Variants in FAM117B observed in about 807,000 individuals in gnomAD.
FAM117B encodes the protein family with sequence similarity 117 member B.
In FAM117B, 22 loss-of-function variants were observed where a neutral mutation model predicts 52.8. The ratio of observed to expected loss-of-function variants is 0.42; its 90% CI spans 0.30 to 0.59. The LOEUF is 0.59. FAM117B is among the 20% of genes least tolerant of loss of function. The pLI is 0.22. For missense variants in FAM117B, 678 were observed against 802.6 expected, an observed-to-expected ratio of 0.84 and a Z score of 1.88; for synonymous variants, 309 against 324.1, an observed-to-expected ratio of 0.95 and a Z score of 0.50.
At chr2:202,727,172 A>G (rs1691257508) in intron 4 of FAM117B, among the ~76,000 whole-genome samples, 1 of 152,140 alleles carries the variant, frequency 6.6e-6, no homozygotes, top group South Asian at 2.1e-4. Flanking sequence ...TTTGGGAATG[A>G]GGAAGGCTGG....
chr2:202,704,942 A>G (rs534070080), intron 2 of FAM117B, among the ~76,000 whole-genome samples: 1 of 151,898 alleles, frequency 6.6e-6, no homozygotes, highest in East Asian at 1.9e-4. Context: ...AGGCCTTTCC[A>G]CCTCCTAGGG....
intron 4 of FAM117B, among the ~76,000 whole-genome samples, chr2:202,736,918 A>T (rs1038686513): frequency 6.6e-6 from 1 of 152,220 alleles, no homozygotes. Context: ...TCATAAAAAA[A>T]AAAATTAATG....
intron 4 of FAM117B, among the ~76,000 whole-genome samples, chr2:202,737,767 A>C (rs186832118): frequency 6.6e-6 from 1 of 151,852 alleles, no homozygotes; most frequent in East Asian, 1.9e-4. Context: ...ACGCCCAGCT[A>C]ATTTTTGTAT....
chr2:202,693,630 C>T (rs1478455376), intron 1 of FAM117B, among the ~76,000 whole-genome samples: 1 of 152,138 alleles, frequency 6.6e-6, no homozygotes, highest in Non-Finnish European at 1.5e-5. Flanking sequence ...TTATGCACAT[C>T]TAATTACTTT....
chr2:202,742,997 T>G (rs956488165), intron 4 of FAM117B, among the ~76,000 whole-genome samples: 1 of 152,126 alleles, frequency 6.6e-6, no homozygotes, highest in Non-Finnish European at 1.5e-5. Flanking sequence ...GCTACTGCAC[T>G]GCCAACACCA....
chr2:202,684,598 G>T (rs760831458), intron 1 of FAM117B, among the ~76,000 whole-genome samples: 27 of 152,280 alleles, frequency 1.8e-4, no homozygotes, highest in Middle Eastern at 3.4e-3. Context: ...GTACTGAAGT[G>T]CTGTTTAATG....
At chr2:202,724,775 G>A in intron 2 of FAM117B, 142 bp from the exon 3 acceptor site, 3 of 470,528 alleles carry the variant, frequency 6.4e-6, no homozygotes, top group Non-Finnish European at 7.2e-6. Context: ...CTGGTGCCAG[G>A]AGAATTTTGA....
chr2:202,740,455 G>A (rs1691515589), intron 4 of FAM117B, among the ~76,000 whole-genome samples: 1 of 150,208 alleles, frequency 6.7e-6, no homozygotes, highest in East Asian at 1.9e-4. Context: ...TATAGTTATT[G>A]AATTCTAGAA....
chr2:202,754,382 G>T (rs1014209731), intron 4 of FAM117B, among the ~76,000 whole-genome samples: 1 of 152,134 alleles, frequency 6.6e-6, no homozygotes, highest in Non-Finnish European at 1.5e-5. Flanking sequence ...GAGGTGGGAG[G>T]TGAAGAGAGG....
chr2:202,665,406 C>T (rs989844287), intron 1 of FAM117B, among the ~76,000 whole-genome samples: 1 of 152,036 alleles, frequency 6.6e-6, no homozygotes. Flanking sequence ...TGCAGCCAGC[C>T]AAAGAAAACT....
chr2:202,731,394 A>T lies in FAM117B; in HGVS notation c.960+5031A>T, dbSNP rs1001637428. Among the ~76,000 whole-genome samples, 7 of 122,946 alleles carry T rather than the reference A, an allele frequency of 5.7e-5. No homozygotes were observed. The East Asian group carries it at 1.7e-3, about 31-fold the overall frequency. The allele number at this position is 122,946 out of a possible 152,430, so 80.7% of individuals were successfully genotyped here. ...GGAGAGAGAGAGAAGCTCCTTCTCAATTAAAAAATATATAAACTTTTATTT... is the reference window on the plus strand; with the variant it reads ...GGAGAGAGAGAGAAGCTCCTTCTCATTTAAAAAATATATAAACTTTTATTT... On this transcript the variant is annotated intron_variant, in intron 4 of 7. Transcript: ENST00000392238.
Position 202,768,188 on chromosome 2 carries a change from A to G in FAM117B, c.*2424A>G, listed in dbSNP as rs763263251. On this transcript the variant is annotated 3_prime_UTR_variant, in exon 8 of 8. Transcript: ENST00000392238. Reference sequence around the variant, plus strand: ...TCCATCTCTATCCCTGCTAGTCACAATGGCATTTTAGAACTAGAATGCCAC... The same window carrying G: ...TCCATCTCTATCCCTGCTAGTCACAGTGGCATTTTAGAACTAGAATGCCAC... 6.6e-6 allele frequency: 1 copy of G among 152,204 alleles called. No homozygotes were observed. The highest frequency in any genetic ancestry group is 1.5e-5 in the Non-Finnish European group (1 of 68,038). The allele number at this position is 152,204 out of a possible 1,614,324, so 9.4% of individuals were successfully genotyped here.
At chr2:202,647,919 AT>A (rs1689894456) in intron 1 of FAM117B, among the ~76,000 whole-genome samples, 1 of 152,092 alleles carries the variant, frequency 6.6e-6, no homozygotes, top group African/African-American at 2.4e-5. Context: ...ATTTACTGAC[AT>A]TTTTCTTCTT....
intron 2 of FAM117B, among the ~76,000 whole-genome samples, chr2:202,715,865 C>T (rs777010218): frequency 2.6e-5 from 4 of 152,218 alleles, no homozygotes; most frequent in Non-Finnish European, 4.4e-5. Context: ...GGATCACTTG[C>T]GGTTAGGAGA....
rs142892352 is a variant in FAM117B, at chr2:202,663,836, G to A, written c.601+28048G>A. ...TGACCTCTGGTGATCTGCCCACCTCGGCCTCCCAAAGTGTTGGGATTACAG... is the reference window on the plus strand; with the variant it reads ...TGACCTCTGGTGATCTGCCCACCTCAGCCTCCCAAAGTGTTGGGATTACAG... On this transcript the variant is annotated intron_variant, in intron 1 of 7. Coordinates refer to ENST00000392238, the MANE Select transcript of FAM117B (RefSeq NM_173511.4). Among the ~76,000 whole-genome samples, 1,017 of 152,144 alleles carry A rather than the reference G, an allele frequency of 6.7e-3. 5 individuals carry two copies. The highest frequency in any genetic ancestry group is 0.01 in the Non-Finnish European group (700 of 67,976).
intron 2 of FAM117B, 51 bp from the exon 3 acceptor site, chr2:202,724,866 T>C (rs1321671968): frequency 2.3e-6 from 3 of 1,317,628 alleles, no homozygotes; most frequent in Non-Finnish European, 3.2e-6. Context: ...TGGTAGACAT[T>C]GTTGTGAAAT....
intron 1 of FAM117B, among the ~76,000 whole-genome samples, chr2:202,654,502 A>T (rs1386375370): frequency 2.6e-5 from 4 of 151,920 alleles, no homozygotes; most frequent in Non-Finnish European, 2.9e-5. Context: ...CCCATTGGAA[A>T]TTTTTTTTAA....
intron 2 of FAM117B, among the ~76,000 whole-genome samples, chr2:202,720,043 CTAATAGTAA>C: frequency 1.3e-5 from 2 of 152,126 alleles, no homozygotes; most frequent in Non-Finnish European, 2.9e-5. Flanking sequence ...CCCTTTGTAA[CTAATAGTAA>C]TTTGTGGAGA....
In FAM117B at chr2:202,740,174, CAAA is replaced by C. The variant is rs67479326; in HGVS notation, c.960+13837_960+13839del. On this transcript the variant is annotated intron_variant, in intron 4 of 7. Coordinates refer to ENST00000392238, the MANE Select transcript of FAM117B (RefSeq NM_173511.4). ...GAGGACAGAGCGAGACTTCATCCCC[CAAA>C]AAAAAAAAAAAAAAAAAAAAAAAAA... is the stretch of plus-strand genomic sequence containing the variant. Among the ~76,000 whole-genome samples the C allele has an allele frequency of 4.6e-4, 46 of 100,610 alleles. No homozygotes were observed. The East Asian group carries it at 0.012, about 26-fold the overall frequency. The allele number at this position is 100,610 out of a possible 152,430, so 66.0% of individuals were successfully genotyped here. A position where few individuals can be genotyped will look rare whatever the true frequency, so the allele number is the denominator to read the frequency against.
Sources: allele counts gnomAD v4.1 joint callset (sites outside exome capture counted in the v4.1 genomes callset), GRCh38; gene constraint gnomAD v4.1.1; transcripts MANE v1.5; gene names NCBI Gene and HGNC (gene_info 2026-07-23, HGNC 2026-07-21).